The following PAK3 variants were observed in gnomAD, a reference collection of about 807,000 sequenced individuals.
PAK3 encodes p21 (RAC1) activated kinase 3, also known as serine/threonine-protein kinase PAK 3.
Under a neutral mutation model 41.0 loss-of-function variants are expected in PAK3, and 4 were observed. The observed-to-expected ratio is 0.10, with a 90% CI of 0.05 to 0.22. The LOEUF (loss-of-function observed/expected upper bound fraction) is 0.22. Ranked by LOEUF, PAK3 falls within the 10% of genes least tolerant of loss-of-function variation. PAK3 has a pLI of 1.00. For missense variants in PAK3, 205 were observed against 409.9 expected (o/e 0.50, Z 4.32); for synonymous variants, 146 against 139.6 (o/e 1.05, Z -0.32).
At chrX:111,109,467 G>C (rs764029260) in intron 4 of PAK3, among the ~76,000 whole-genome samples, 11 of 111,996 alleles carry the variant, frequency 9.8e-5, no homozygotes, top group African/African-American at 3.6e-4. Flanking sequence ...AAGACGATGA[G>C]TGAAAAATAG....
intron 11 of PAK3, among the ~76,000 whole-genome samples, chrX:111,179,101 G>T (rs2149268301): frequency 9.4e-6 from 1 of 106,742 alleles, no homozygotes; most frequent in East Asian, 3.0e-4. Flanking sequence ...CTTATATAAA[G>T]TATTATTTTG....
chrX:110,949,007 T>C (rs758675601), intron 1 of PAK3, among the ~76,000 whole-genome samples: 5 of 112,075 alleles, frequency 4.5e-5, no homozygotes, highest in Middle Eastern at 4.6e-3. Flanking sequence ...AAAATGAGGA[T>C]GGAAGAAGTG....
At position 111,208,028 on chromosome X, in the gene PAK3, C is replaced by T. The variant is rs184662266; in HGVS notation, c.1408-8393C>T. ...CAGGCTGGTCTCGAACTCCTGACCT[C>T]AGGTGATCCGCCCGCCTCGGCTCCC... is the stretch of plus-strand genomic sequence containing the variant. On this transcript the variant is annotated intron_variant, in intron 16 of 17. Transcript: ENST00000372007. Among the ~76,000 whole-genome samples, 146 of 112,604 alleles carry T rather than the reference C, an allele frequency of 1.3e-3. No individual in the cohort carries two copies. The East Asian group carries it at 0.023, about 18-fold the overall frequency.
chrX:110,983,355 G>A (rs183340898), intron 1 of PAK3, among the ~76,000 whole-genome samples: 229 of 110,718 alleles, frequency 2.1e-3, no homozygotes, highest in African/African-American at 6.8e-3. Flanking sequence ...GTTCTGGGCT[G>A]CCTGGTAGTG....
At chrX:111,086,331 G>A (rs1261260371) in intron 1 of PAK3, among the ~76,000 whole-genome samples, 1 of 111,043 alleles carries the variant, frequency 9.0e-6, no homozygotes, top group African/African-American at 3.3e-5. Context: ...GCCTAGGGTT[G>A]GGGGAAGAAT....
At chrX:111,144,122 T>C (rs1419374510) in intron 6 of PAK3, among the ~76,000 whole-genome samples, 1 of 111,952 alleles carries the variant, frequency 8.9e-6, no homozygotes, top group Non-Finnish European at 1.9e-5. Flanking sequence ...TTCAATTTGC[T>C]GTCAATTAGA....
intron 5 of PAK3, among the ~76,000 whole-genome samples, chrX:111,140,465 T>C (rs1271101723): frequency 9.0e-6 from 1 of 111,429 alleles, no homozygotes; most frequent in African/African-American, 3.3e-5. Context: ...CCAGAGTGCC[T>C]TTCTGAACAA....
intron 5 of PAK3, among the ~76,000 whole-genome samples, chrX:111,126,126 C>T (rs2093645256): frequency 9.0e-6 from 1 of 111,400 alleles, no homozygotes; most frequent in African/African-American, 3.3e-5. Flanking sequence ...TCTCTGTCAC[C>T]CCCATTTGCC....
At chrX:111,001,934 A>G (rs2091854992) in intron 1 of PAK3, among the ~76,000 whole-genome samples, 1 of 111,073 alleles carries the variant, frequency 9.0e-6, no homozygotes, top group South Asian at 3.8e-4. Flanking sequence ...GAGTGCTTAA[A>G]AAAAAAAAAA....
intron 10 of PAK3, among the ~76,000 whole-genome samples, chrX:111,163,971 A>G (rs2094221484): frequency 8.9e-6 from 1 of 112,008 alleles, no homozygotes; most frequent in South Asian, 3.7e-4. Context: ...TTGATAAGAC[A>G]AATTAAGTAG....
chrX:111,179,011 CTATA>C (rs57999727), intron 11 of PAK3, among the ~76,000 whole-genome samples: 3 of 89,804 alleles, frequency 3.3e-5, no homozygotes, highest in African/African-American at 8.7e-5. Flanking sequence ...ATCTATATAT[CTATA>C]TATATATATA....
Position 111,038,896 on chromosome X carries a change from G to A in PAK3, c.-27-84181G>A, listed in dbSNP as rs144305980. 5.3e-4 allele frequency among the ~76,000 whole-genome samples: 59 copies of A among 111,828 alleles called. 2 individuals are homozygous for A. The East Asian group carries it at 0.016, about 31-fold the overall frequency. ...ATTGGAGGGAGTTCTTTGATGGGTAGTGAGTTTCCTTTCACTCTCAGGACA... is the reference window on the plus strand; with the variant it reads ...ATTGGAGGGAGTTCTTTGATGGGTAATGAGTTTCCTTTCACTCTCAGGACA... On this transcript the variant is annotated intron_variant, in intron 1 of 14. Transcript: ENST00000425146.
rs141566846 is a variant in PAK3 at position 111,139,642 on chromosome X, T to C, written c.176-2454T>C. On this transcript the variant is annotated intron_variant, in intron 5 of 17. Transcript: ENST00000372007. ...CCCTGAGTGAAGAAAATTGCATAGT[T>C]AGGCTGATAAGGCATTGGCAGTCTG... Among the ~76,000 whole-genome samples, 424 of 112,195 alleles carry C rather than the reference T, an allele frequency of 3.8e-3. 1 individual carries two copies. Among genetic ancestry groups the C allele is most frequent in the African/African-American group, 0.013 (397 of 30,880 alleles).
intron 4 of PAK3, among the ~76,000 whole-genome samples, chrX:111,110,590 A>C (rs1027052507): frequency 9.0e-6 from 1 of 111,649 alleles, no homozygotes; most frequent in African/African-American, 3.3e-5. Flanking sequence ...TTTGGAAAGC[A>C]GTACCTTTCC....
chrX:111,194,203 A>T (rs1270345057), intron 13 of PAK3, 98 bp from the exon 14 acceptor site: 1 of 590,503 alleles, frequency 1.7e-6, no homozygotes, highest in African/African-American at 2.2e-5. Flanking sequence ...GCATAGCACA[A>T]CTCAGAGTTG....
At chrX:111,153,673 G>A (rs1182879163) in intron 8 of PAK3, among the ~76,000 whole-genome samples, 5 of 111,838 alleles carry the variant, frequency 4.5e-5, no homozygotes, top group African/African-American at 1.6e-4. Flanking sequence ...ATCACCCTGG[G>A]TAGCCAGTAT....
chrX:111,170,098 G>C (rs2094317323), intron 10 of PAK3, among the ~76,000 whole-genome samples: 1 of 110,761 alleles, frequency 9.0e-6, no homozygotes, highest in Non-Finnish European at 1.9e-5. Flanking sequence ...AAGATGATGG[G>C]AGCCCAACTA....
rs760977173 is a variant in PAK3, at chrX:111,152,431, T to A, written c.452T>A (p.Ile151Lys). The A allele has an allele frequency of 8.5e-7, 1 of 1,176,428 alleles. No individual in the cohort carries two copies. The highest frequency in any genetic ancestry group is 1.2e-6 in the Non-Finnish European group (1 of 863,657). Residue 151 changes from isoleucine to lysine, a missense_variant, in exon 8 of 18, where the codon ATA (isoleucine) becomes AAA (lysine). By Grantham distance (102) the Ile-to-Lys change is moderately radical. Transcript: ENST00000372007. Reference sequence around the variant, plus strand: ...GCAGATAAAAGTGCACATGGATACATAGCAGCCCATCCTTCGGTAAGTGAA... The same window carrying A: ...GCAGATAAAAGTGCACATGGATACAAAGCAGCCCATCCTTCGGTAAGTGAA... ...TSGDKSAHGY[I>K]AAHPSSTKTA...
chrX:111,156,083 T>G (rs2094103596), intron 8 of PAK3, among the ~76,000 whole-genome samples: 1 of 111,564 alleles, frequency 9.0e-6, no homozygotes, highest in African/African-American at 3.3e-5. Flanking sequence ...ATGGTGAGAC[T>G]GGATGAAGGG....
Sources: gnomAD v4.1 joint callset for allele counts (sites outside exome capture counted in the v4.1 genomes callset) on GRCh38, gnomAD v4.1.1 for gene constraint, MANE v1.5 for transcripts, NCBI Gene and HGNC (gene_info 2026-07-23, HGNC 2026-07-21) for gene names.